Variants in DPYSL3 observed in about 807,000 individuals in gnomAD.
The protein encoded by DPYSL3 is dihydropyrimidinase like 3.
In DPYSL3, 16 loss-of-function variants were observed where a neutral mutation model predicts 66.1. The ratio of observed to expected loss-of-function variants is 0.24; its 90% CI spans 0.16 to 0.37. The LOEUF (loss-of-function observed/expected upper bound fraction) is 0.37. Ranked by LOEUF, DPYSL3 falls within the 10% of genes least tolerant of loss-of-function variation. DPYSL3 has a pLI of 1.00. For synonymous variants in DPYSL3, 338 were observed against 345.1 expected (o/e 0.98, Z 0.23); for missense variants, 738 against 916.2 (o/e 0.81, Z 2.51).
intron 1 of DPYSL3, among the ~76,000 whole-genome samples, chr5:147,504,484 T>C (rs147396606): frequency 6.6e-6 from 1 of 152,314 alleles, no homozygotes; most frequent in East Asian, 1.9e-4. Flanking sequence ...CTTTCATTTG[T>C]CAGAGAAGAC....
At chr5:147,425,779 T>C (rs2126332612) in intron 1 of DPYSL3, among the ~76,000 whole-genome samples, 1 of 152,326 alleles carries the variant, frequency 6.6e-6, no homozygotes, top group South Asian at 2.1e-4. Flanking sequence ...ACTTTATATA[T>C]AAGTCAGGAG....
Position 147,399,258 on chromosome 5 carries a change from G to T in DPYSL3, c.1453-6C>A. On this transcript the variant is annotated splice_polypyrimidine_tract_variant and splice_region_variant and intron_variant, in intron 10 of 13. Transcript: ENST00000343218. ...TCGTCCATTTTCCCTGTGGCCTATT[G>T]AAATATAAGAAATTATATCTATATC... is the stretch of plus-strand genomic sequence containing the variant. The T allele has an allele frequency of 6.2e-7, 1 of 1,613,158 alleles. No individual in the cohort carries two copies. Among genetic ancestry groups the T allele is most frequent in the African/African-American group, 1.3e-5 (1 of 74,934 alleles).
At position 147,391,838 on chromosome 5, in the gene DPYSL3, T is replaced by G. The variant is rs1174254956; in HGVS notation, c.*2197A>C. 2.6e-5 allele frequency: 4 copies of G among 152,170 alleles called. No homozygotes were observed. The highest frequency in any genetic ancestry group is 5.9e-5 in the Non-Finnish European group (4 of 68,046). The allele number at this position is 152,170 out of a possible 1,614,324, so 9.4% of individuals were successfully genotyped here. On this transcript the variant is annotated 3_prime_UTR_variant, in exon 14 of 14. Transcript: ENST00000343218. The stretch of plus-strand genomic sequence containing the variant: ...TTGTTCCCAGAGCAAGGAAATCTTG[T>G]GCAGAATCAAAGGTTCTGGTGGAAT...
rs140840197 is a variant in DPYSL3 at position 147,498,329 on chromosome 5, A to G, written c.381+11149T>C. On this transcript the variant is annotated intron_variant, in intron 1 of 13. Transcript: ENST00000343218. ...TATATGTACCACGTTTTCTTTATCCAGTCTATCAGTGAAGGGCATTTAGGT... is the reference window on the plus strand; with the variant it reads ...TATATGTACCACGTTTTCTTTATCCGGTCTATCAGTGAAGGGCATTTAGGT... Among the ~76,000 whole-genome samples, 533 of 152,214 alleles carry G rather than the reference A, an allele frequency of 3.5e-3. 3 individuals are homozygous for G. The highest frequency in any genetic ancestry group is 0.012 in the African/African-American group (501 of 41,520).
At chr5:147,456,247 C>A (rs1752850714) in intron 1 of DPYSL3, among the ~76,000 whole-genome samples, 1 of 152,200 alleles carries the variant, frequency 6.6e-6, no homozygotes, top group African/African-American at 2.4e-5. Flanking sequence ...GCCTCTGTGT[C>A]TGGCCAAGAG....
chr5:147,394,075 G>T lies in DPYSL3; in HGVS notation c.2015C>A (p.Ala672Glu). 6.2e-7 allele frequency: 1 copy of T among 1,614,156 alleles called. No homozygotes were observed. The highest frequency in any genetic ancestry group is 8.5e-7 in the Non-Finnish European group (1 of 1,180,030). The change falls in exon 14 of 14, where the codon GCG (alanine) becomes GAG (glutamate). Residue 672 changes from alanine to glutamate, a missense_variant. Transcript: ENST00000343218. The part of the protein sequence containing the change: ...GVRSASKRIV[A>E]PPGGRSNITS... ...GATATTAGAACGGCCGCCTGGGGGC[G>T]CCACGATGCGCTTGCTGGCTGAGCG... is the stretch of plus-strand genomic sequence containing the variant.
chr5:147,402,060 T>A (rs1042454890), intron 8 of DPYSL3: 6 of 201,164 alleles, frequency 3.0e-5, no homozygotes, highest in Non-Finnish European at 3.0e-5. Flanking sequence ...GGGTTCCATG[T>A]ATACCAAGGC....
At chr5:147,459,615 T>C (rs62379594) in intron 1 of DPYSL3, among the ~76,000 whole-genome samples, 1 of 151,936 alleles carries the variant, frequency 6.6e-6, no homozygotes, top group Admixed American at 6.6e-5. Flanking sequence ...AAAAAAAAAT[T>C]ACAGCCACAG....
chr5:147,426,753 T>C (rs1385484989), intron 1 of DPYSL3, among the ~76,000 whole-genome samples: 1 of 151,960 alleles, frequency 6.6e-6, no homozygotes, highest in African/African-American at 2.4e-5. Context: ...GAGAATGAGA[T>C]TTGAAGGTAG....
intron 1 of DPYSL3, among the ~76,000 whole-genome samples, chr5:147,476,487 G>A (rs1363779421): frequency 6.6e-6 from 1 of 152,118 alleles, no homozygotes; most frequent in Non-Finnish European, 1.5e-5. Flanking sequence ...TGACACTTTG[G>A]CTGCCTTATG....
At chr5:147,449,446 A>G (rs771565631) in intron 1 of DPYSL3, among the ~76,000 whole-genome samples, 1 of 152,236 alleles carries the variant, frequency 6.6e-6, no homozygotes, top group Non-Finnish European at 1.5e-5. Flanking sequence ...TATCTGCAAG[A>G]CAATGTTTAC....
Position 147,417,770 on chromosome 5 carries a change from A to G in DPYSL3, c.655+677T>C, listed in dbSNP as rs548654285. 3.3e-4 allele frequency among the ~76,000 whole-genome samples: 50 copies of G among 152,274 alleles called. No individual in the cohort carries two copies. The Middle Eastern group carries it at 0.017, about 52-fold the overall frequency. ...AAACAAAACAAAACAAAATTTAAAA[A>G]CAAGAGAAACCACTCCTACAGCTTG... On this transcript the variant is annotated intron_variant, in intron 3 of 13. Transcript: ENST00000343218.
At position 147,502,551 on chromosome 5, in the gene DPYSL3, A is replaced by G. The variant is rs538822461; in HGVS notation, c.381+6927T>C. On this transcript the variant is annotated intron_variant, in intron 1 of 13. Coordinates refer to ENST00000343218, the MANE Select transcript of DPYSL3 (RefSeq NM_001197294.2). ...CATTTGTTTTTCATTGTGCACCTAC[A>G]TAGCTGTGGCTTAATAATGCTTTTT... Among the ~76,000 whole-genome samples, 7 of 147,070 alleles carry G rather than the reference A, an allele frequency of 4.8e-5. No individual in the cohort carries two copies. In the East Asian group the frequency reaches 1.0e-3, roughly 21 times the overall value.
At chr5:147,441,525 C>A (rs1752533387) in intron 1 of DPYSL3, among the ~76,000 whole-genome samples, 1 of 152,272 alleles carries the variant, frequency 6.6e-6, no homozygotes, top group African/African-American at 2.4e-5. Flanking sequence ...AGGGTTAAGA[C>A]TTTAATTACT....
At chr5:147,479,441 C>A (rs1753206146) in intron 1 of DPYSL3, among the ~76,000 whole-genome samples, 1 of 152,092 alleles carries the variant, frequency 6.6e-6, no homozygotes. Flanking sequence ...CAAGTCTTGT[C>A]AACTCAGTGA....
intron 7 of DPYSL3, among the ~76,000 whole-genome samples, chr5:147,408,073 C>T (rs1196908496): frequency 6.6e-6 from 1 of 152,160 alleles, no homozygotes; most frequent in Non-Finnish European, 1.5e-5. Flanking sequence ...AAACAGGACT[C>T]GCTTCACTGA....
chr5:147,408,618 G>A, intron 7 of DPYSL3, 110 bp downstream of exon 7: 1 of 1,137,410 alleles, frequency 8.8e-7, no homozygotes, highest in Non-Finnish European at 1.3e-6. Flanking sequence ...AATCAGAAGT[G>A]GTCTTTGGAA....
chr5:147,426,698 A>C (rs1288070704), intron 1 of DPYSL3, among the ~76,000 whole-genome samples: 1 of 152,208 alleles, frequency 6.6e-6, no homozygotes, highest in Non-Finnish European at 1.5e-5. Context: ...TGGAGGACGG[A>C]GCCCCAAAAC....
intron 1 of DPYSL3, among the ~76,000 whole-genome samples, chr5:147,498,509 G>C (rs985146121): frequency 2.6e-5 from 4 of 152,128 alleles, no homozygotes; most frequent in African/African-American, 9.7e-5. Flanking sequence ...CTGAGGAATT[G>C]CCACACCGTC....
Sources: allele counts gnomAD v4.1 joint callset (sites outside exome capture counted in the v4.1 genomes callset), GRCh38; gene constraint gnomAD v4.1.1; transcripts MANE v1.5; gene names NCBI Gene and HGNC (gene_info 2026-07-23, HGNC 2026-07-21).